STK38: variants seen among roughly 807,000 people sequenced by gnomAD.
STK38 encodes the protein serine/threonine-protein kinase 38.
In STK38, 26 loss-of-function variants were observed where a neutral mutation model predicts 59.0. The ratio of observed to expected loss-of-function variants is 0.44; its 90% confidence interval spans 0.32 to 0.61. The LOEUF (loss-of-function observed/expected upper bound fraction) is 0.61. Among genes scored for constraint, STK38 ranks in the 20% least tolerant of loss-of-function variants. STK38 has a pLI of 0.04. For missense variants in STK38, 433 were observed against 566.0 expected, an observed-to-expected ratio of 0.76 and a Z score of 2.38; for synonymous variants, 175 against 176.6, an observed-to-expected ratio of 0.99 and a Z score of 0.07.
rs1220372819 is a variant in STK38, at chr6:36,547,431, CCG to C, written c.-249_-248del. ...TGAGGGGCCAAGGCAGCCCGGTCCC[CCG>C]CCGCGGAGACGGGCTGGCGCGGCAG... is the stretch of plus-strand genomic sequence containing the variant. On this transcript the variant is annotated 5_prime_UTR_variant, in exon 1 of 14. Transcript: ENST00000229812. 6 of 152,374 alleles carry C rather than the reference CCG, an allele frequency of 3.9e-5. No homozygotes were observed. Among genetic ancestry groups the C allele is most frequent in the African/African-American group, 1.4e-4 (6 of 41,562 alleles). 9.4% of individuals were successfully genotyped at this position (152,374 alleles called of 1,614,324 possible). A position where few individuals can be genotyped will look rare whatever the true frequency, so the allele number is the denominator to read the frequency against.
At chr6:36,521,862 C>A in intron 4 of STK38, 45 bp from the exon 5 acceptor site, 1 of 1,473,928 alleles carries the variant, frequency 6.8e-7, no homozygotes, top group Non-Finnish European at 9.4e-7. Context: ...CTCGTACTAC[C>A]AACCTAATGC....
intron 1 of STK38, among the ~76,000 whole-genome samples, chr6:36,544,410 C>G (rs1778011973): frequency 6.6e-6 from 1 of 151,894 alleles, no homozygotes; most frequent in Non-Finnish European, 1.5e-5. Flanking sequence ...GCCTGTACCC[C>G]CCCCTCCACC....
At position 36,521,779 on chromosome 6, in the gene STK38, A is replaced by C. The variant is rs1336669294; in HGVS notation, c.345T>G (p.Tyr115Ter). 4 of 1,611,944 alleles carry C rather than the reference A, an allele frequency of 2.5e-6. No individual in the cohort carries two copies. Among genetic ancestry groups the C allele is most frequent in the Non-Finnish European group, 2.5e-6 (3 of 1,179,626 alleles). Residue 115 changes from tyrosine (Y) to a stop codon, truncating the protein, a stop_gained, in exon 5 of 14, where the codon TAT (tyrosine) becomes TAG (stop). Transcript: ENST00000229812. LOFTEE classifies it high-confidence loss of function. ...CTGCTTTACGGAGTATTTTCATTGC[A>C]TACACATGTCCCGTATCTTTCTTCT... ...LVQKKDTGHVYAMKILRKADM... is the reference protein window; with the variant it reads ...LVQKKDTGHV
chr6:36,533,900 G>A (rs956144513), intron 2 of STK38, among the ~76,000 whole-genome samples: 11 of 152,182 alleles, frequency 7.2e-5, no homozygotes, highest in Admixed American at 2.6e-4. Context: ...GGGACACTGT[G>A]CAGACACTTG....
At chr6:36,543,360 C>A (rs573659918) in intron 1 of STK38, among the ~76,000 whole-genome samples, 1 of 152,088 alleles carries the variant, frequency 6.6e-6, no homozygotes, top group African/African-American at 2.4e-5. Context: ...CCACCATGCC[C>A]GGCCAATAGT....
Position 36,540,065 on chromosome 6 carries a change from T to G in STK38, c.131+7A>C. The stretch of plus-strand genomic sequence containing the variant: ...ATGACACAATTTTTTCAAACAAAAT[T>G]CTTTACCTCATTTCTCGTTCTTCAT... On this transcript the variant is annotated splice_region_variant and intron_variant, in intron 2 of 13. Coordinates refer to ENST00000229812, the MANE Select transcript of STK38 (RefSeq NM_007271.4). The G allele has an allele frequency of 6.2e-7, 1 of 1,613,488 alleles. No homozygotes were observed. The highest frequency in any genetic ancestry group is 8.5e-7 in the Non-Finnish European group (1 of 1,179,712).
intron 5 of STK38, 57 bp from the exon 6 acceptor site, chr6:36,517,897 T>G: frequency 6.3e-7 from 1 of 1,588,704 alleles, no homozygotes; most frequent in Admixed American, 1.8e-5. Context: ...TTAGATTGTA[T>G]ATTTGCTTAA....
At chr6:36,523,910 A>T (rs1160546368) in intron 4 of STK38, among the ~76,000 whole-genome samples, 1 of 152,164 alleles carries the variant, frequency 6.6e-6, no homozygotes, top group East Asian at 1.9e-4. Context: ...GGGAAAAGCA[A>T]GCTCTTTGAG....
chr6:36,544,252 A>G (rs929715000), intron 1 of STK38, among the ~76,000 whole-genome samples: 6 of 152,078 alleles, frequency 3.9e-5, no homozygotes, highest in Admixed American at 3.9e-4. Context: ...ATAAAATATC[A>G]CATTATTTTT....
chr6:36,497,980 C>T, intron 11 of STK38, 105 bp from the exon 12 acceptor site: 1 of 780,210 alleles, frequency 1.3e-6, no homozygotes, highest in Non-Finnish European at 2.0e-6. Context: ...CACTCTGTCA[C>T]CCAGGCTGGA....
chr6:36,518,264 C>T (rs1777301158), intron 5 of STK38, among the ~76,000 whole-genome samples: 1 of 152,174 alleles, frequency 6.6e-6, no homozygotes, highest in Non-Finnish European at 1.5e-5. Flanking sequence ...ACAGTGAGCT[C>T]ACTGACAAAT....
intron 1 of STK38, among the ~76,000 whole-genome samples, chr6:36,546,548 A>C (rs1483565545): frequency 2.0e-5 from 3 of 152,202 alleles, no homozygotes; most frequent in Non-Finnish European, 4.4e-5. Context: ...GTCGTTTCAG[A>C]ATGAACTGAG....
At chr6:36,496,324 G>A (rs1776704122) in intron 13 of STK38, among the ~76,000 whole-genome samples, 1 of 152,158 alleles carries the variant, frequency 6.6e-6, no homozygotes, top group African/African-American at 2.4e-5. Flanking sequence ...TTTCAGGCAT[G>A]AGCCACCGCG....
At chr6:36,520,849 G>A (rs368153230) in intron 5 of STK38, among the ~76,000 whole-genome samples, 1 of 152,134 alleles carries the variant, frequency 6.6e-6, no homozygotes, top group Non-Finnish European at 1.5e-5. Context: ...GAAGACCAGT[G>A]ATTATATCTC....
chr6:36,540,798 GTAT>G (rs1042328919), intron 1 of STK38, among the ~76,000 whole-genome samples: 1 of 152,004 alleles, frequency 6.6e-6, no homozygotes, highest in Non-Finnish European at 1.5e-5. Context: ...GGCTAATTTT[GTAT>G]TTTTAGTAGA....
intron 5 of STK38, 125 bp downstream of exon 5, chr6:36,521,609 A>G (rs1777377109): frequency 1.8e-6 from 1 of 556,478 alleles, no homozygotes; most frequent in Non-Finnish European, 2.9e-6. Context: ...AGTATTATAT[A>G]TATAGTCATA....
In STK38 at chr6:36,500,360, C is replaced by A. The variant is rs554779589; in HGVS notation, c.835-370G>T. On this transcript the variant is annotated intron_variant, in intron 9 of 13. Coordinates refer to ENST00000229812, the MANE Select transcript of STK38 (RefSeq NM_007271.4). ...ATGAGTCCATTTAATCCTGACAAAA[C>A]TTTTCCAAGGAGGACCTTATTAGCT... Among the ~76,000 whole-genome samples the A allele has an allele frequency of 6.6e-3, 1,002 of 151,756 alleles. 9 individuals carry two copies. Among genetic ancestry groups the A allele is most frequent in the African/African-American group, 0.021 (882 of 41,460 alleles).
intron 7 of STK38, among the ~76,000 whole-genome samples, chr6:36,507,930 ATTTTTT>A (rs35789250): frequency 1.8e-5 from 2 of 113,258 alleles, no homozygotes; most frequent in African/African-American, 3.6e-5. Flanking sequence ...GGTATTCAGA[ATTTTTT>A]TTTTTTTTTT....
At chr6:36,503,090 C>A (rs1776877686) in intron 9 of STK38, among the ~76,000 whole-genome samples, 1 of 152,160 alleles carries the variant, frequency 6.6e-6, no homozygotes, top group Non-Finnish European at 1.5e-5. Flanking sequence ...TTCACATGTG[C>A]AGTTTCTCCA....
Sources: allele counts gnomAD v4.1 joint callset (sites outside exome capture counted in the v4.1 genomes callset), GRCh38; gene constraint gnomAD v4.1.1; transcripts MANE v1.5; gene names NCBI Gene and HGNC (gene_info 2026-07-23, HGNC 2026-07-21).